CNBD1: variants seen among roughly 807,000 people sequenced by gnomAD.
CNBD1 encodes cyclic nucleotide binding domain containing 1.
A neutral mutation model predicts 54.4 loss-of-function variants in CNBD1; 71 were observed. The ratio of observed to expected loss-of-function variants is 1.30; its 90% CI spans 1.08 to 1.59. The LOEUF (loss-of-function observed/expected upper bound fraction) is 1.59, where lower values mean the gene tolerates loss of function less well. CNBD1 is among the 40% of genes most tolerant of loss of function. The probability of loss-of-function intolerance (pLI) is 0.00; values close to 1 mark genes in which losing one functional copy is unlikely to be tolerated. For missense variants in CNBD1, 659 were observed against 518.0 expected (o/e 1.27, Z -2.64); for synonymous variants, 182 against 170.7 (o/e 1.07, Z -0.51).
intron 6 of CNBD1, among the ~76,000 whole-genome samples, chr8:87,279,056 A>G (rs1403272311): frequency 6.6e-6 from 1 of 151,278 alleles, no homozygotes; most frequent in Non-Finnish European, 1.5e-5. Context: ...TATTTTTGTT[A>G]ATCTTTTATT....
In CNBD1 at chr8:87,182,841, G is replaced by A. The variant is rs1177716717; in HGVS notation, c.432-23152G>A. On this transcript the variant is annotated intron_variant, in intron 4 of 10. Transcript: ENST00000518476. The surrounding 1 kb of genome is among the most constrained non-coding windows in gnomAD (Gnocchi z 4.1). ...GCAAGTATTTTCTCCCATTTAGTAG[G>A]TTTTCTGCCTATTCAGCTGATAATT... is the stretch of plus-strand genomic sequence containing the variant. Among the ~76,000 whole-genome samples, 2 of 152,028 alleles carry A rather than the reference G, an allele frequency of 1.3e-5. No homozygotes were observed. The highest frequency in any genetic ancestry group is 2.9e-5 in the Non-Finnish European group (2 of 67,998).
intron 8 of CNBD1, among the ~76,000 whole-genome samples, chr8:87,321,832 T>C (rs867821017): frequency 6.6e-6 from 1 of 151,204 alleles, no homozygotes; most frequent in Non-Finnish European, 1.5e-5. Context: ...CTTTAAGTTT[T>C]AGGGTACATG....
intron 6 of CNBD1, among the ~76,000 whole-genome samples, chr8:87,247,483 CT>C (rs1156664599): frequency 3.3e-5 from 5 of 152,208 alleles, no homozygotes; most frequent in African/African-American, 1.2e-4. Context: ...AATGCAATTA[CT>C]TTATCTGATG....
chr8:87,411,500 G>A (rs1402006418), intron 2 of CNBD1, among the ~76,000 whole-genome samples: 1 of 145,160 alleles, frequency 6.9e-6, no homozygotes, highest in Non-Finnish European at 1.5e-5. Flanking sequence ...AAAAGTTGTT[G>A]ATTCATATCC....
intron 5 of CNBD1, among the ~76,000 whole-genome samples, chr8:87,223,904 T>C (rs1168637412): frequency 6.6e-6 from 1 of 152,210 alleles, no homozygotes; most frequent in African/African-American, 2.4e-5. Flanking sequence ...CCAGCACCTG[T>C]TGCTTCCTGA....
chr8:86,940,658 G>A (rs1809638176), intron 4 of CNBD1, among the ~76,000 whole-genome samples: 1 of 152,054 alleles, frequency 6.6e-6, no homozygotes, highest in South Asian at 2.1e-4. Context: ...TCATAGGGGA[G>A]TAAAATTAAA....
At chr8:86,989,777 T>C (rs1808701166) in intron 4 of CNBD1, among the ~76,000 whole-genome samples, 1 of 152,186 alleles carries the variant, frequency 6.6e-6, no homozygotes, top group Admixed American at 6.6e-5. Context: ...CTGTTCTTTA[T>C]AGTGCTTGTA....
intron 10 of CNBD1, among the ~76,000 whole-genome samples, chr8:87,380,929 AC>A: frequency 6.6e-6 from 1 of 152,182 alleles, no homozygotes; most frequent in Admixed American, 6.6e-5. Flanking sequence ...AAGAATTGTA[AC>A]TGTTAAACTC....
chr8:87,305,628 C>G (rs1809125277), intron 8 of CNBD1, among the ~76,000 whole-genome samples: 1 of 152,192 alleles, frequency 6.6e-6, no homozygotes, highest in South Asian at 2.1e-4. Context: ...TGAACTTCAA[C>G]AAAGCAAACG....
intron 4 of CNBD1, among the ~76,000 whole-genome samples, chr8:87,108,351 A>T (rs1471721254): frequency 6.6e-6 from 1 of 152,180 alleles, no homozygotes; most frequent in African/African-American, 2.4e-5. Context: ...CTGAAGTCAA[A>T]TTTGGATGTA....
At chr8:87,064,844 G>T (rs1414297029) in intron 4 of CNBD1, among the ~76,000 whole-genome samples, 5 of 151,628 alleles carry the variant, frequency 3.3e-5, no homozygotes, top group African/African-American at 1.2e-4. Flanking sequence ...CATCACTTTA[G>T]TACAACAGAC....
At chr8:86,984,105 C>A (rs574317008) in intron 4 of CNBD1, among the ~76,000 whole-genome samples, 1 of 152,246 alleles carries the variant, frequency 6.6e-6, no homozygotes, top group Non-Finnish European at 1.5e-5. Flanking sequence ...ACTTGGCACC[C>A]TGCATCCCAG....
chr8:87,326,235 C>T (rs1330708369), intron 8 of CNBD1, among the ~76,000 whole-genome samples: 1 of 122,726 alleles, frequency 8.1e-6, no homozygotes, highest in African/African-American at 3.0e-5. Flanking sequence ...CTGCCCTTAA[C>T]ATTTTTTCCT....
intron 4 of CNBD1, among the ~76,000 whole-genome samples, chr8:87,162,984 A>G (rs73263933): frequency 0.024 from 3,709 of 152,126 alleles, 163 homozygotes; most frequent in African/African-American, 0.082. Context: ...TGCTTTCTGC[A>G]CCATGTGGGG....
chr8:87,189,318 A>G (rs1309832629), intron 4 of CNBD1, among the ~76,000 whole-genome samples: 2 of 152,172 alleles, frequency 1.3e-5, no homozygotes, highest in East Asian at 3.8e-4. Flanking sequence ...GATTTTCATA[A>G]TTTTCAAGTT....
intron 4 of CNBD1, among the ~76,000 whole-genome samples, chr8:87,184,722 G>A (rs1374073904): frequency 6.6e-6 from 1 of 151,970 alleles, no homozygotes; most frequent in Non-Finnish European, 1.5e-5. Context: ...TTCAGCCTCC[G>A]GGTCTACATC....
intron 6 of CNBD1, among the ~76,000 whole-genome samples, chr8:87,240,830 G>C (rs964993640): frequency 3.3e-5 from 5 of 152,018 alleles, no homozygotes; most frequent in Non-Finnish European, 5.9e-5. Context: ...GCCTCCTAGA[G>C]GGCTTTTTAA....
At chr8:87,084,473 G>GT (rs964093081) in intron 4 of CNBD1, among the ~76,000 whole-genome samples, 4 of 151,106 alleles carry the variant, frequency 2.6e-5, no homozygotes, top group Non-Finnish European at 4.4e-5. Flanking sequence ...GGATGAACAG[G>GT]TTTTTTTTTC....
At chr8:87,229,380 T>G (rs1180369318) in intron 5 of CNBD1, among the ~76,000 whole-genome samples, 1 of 152,224 alleles carries the variant, frequency 6.6e-6, no homozygotes, top group Non-Finnish European at 1.5e-5. Flanking sequence ...TTCTCACAGG[T>G]TAAAAATTTC....
Sources: allele counts gnomAD v4.1 joint callset (sites outside exome capture counted in the v4.1 genomes callset), GRCh38; gene constraint gnomAD v4.1.1; non-coding constraint Gnocchi (gnomAD v3.1); transcripts MANE v1.5; gene names NCBI Gene and HGNC (gene_info 2026-07-23, HGNC 2026-07-21).